The following LUZP2 variants were observed in gnomAD, a reference collection of about 807,000 sequenced individuals.
LUZP2 encodes the protein leucine zipper protein 2.
LUZP2 carries 52 observed loss-of-function variants against 51.6 expected under a neutral mutation model. The ratio of observed to expected loss-of-function variants is 1.01; its 90% CI spans 0.81 to 1.27. LUZP2 has a LOEUF of 1.27. LUZP2 is among the 50% of genes most tolerant of loss of function. LUZP2 has a pLI of 0.00. For missense variants in LUZP2, 436 were observed against 395.4 expected (o/e 1.10, Z -0.87); for synonymous variants, 154 against 137.3 (o/e 1.12, Z -0.85).
At chr11:24,949,844 G>A (rs759923077) in intron 7 of LUZP2, among the ~76,000 whole-genome samples, 5 of 151,494 alleles carry the variant, frequency 3.3e-5, no homozygotes, top group East Asian at 1.9e-4. Context: ...ATTAGTTTGC[G>A]AACTTTTCTG....
intron 9 of LUZP2, among the ~76,000 whole-genome samples, chr11:24,987,306 TA>T (rs1340397675): frequency 2.0e-5 from 3 of 151,952 alleles, no homozygotes; most frequent in Non-Finnish European, 4.4e-5. Flanking sequence ...TTAATTCAAA[TA>T]AGTGTAACTT....
chr11:25,001,279 C>T (rs1349389101), intron 9 of LUZP2, among the ~76,000 whole-genome samples: 3 of 152,188 alleles, frequency 2.0e-5, no homozygotes, highest in Admixed American at 2.0e-4. Flanking sequence ...ACAGCTCACA[C>T]ATTTGAGCAG....
chr11:24,940,162 C>T (rs1162912660), intron 7 of LUZP2, among the ~76,000 whole-genome samples: 1 of 152,130 alleles, frequency 6.6e-6, no homozygotes, highest in African/African-American at 2.4e-5. Context: ...AAAACACACA[C>T]ATTGAAATCT....
intron 1 of LUZP2, among the ~76,000 whole-genome samples, chr11:24,697,402 A>G (rs895467622): frequency 5.9e-5 from 9 of 152,200 alleles, no homozygotes; most frequent in African/African-American, 2.2e-4. Flanking sequence ...TTTTTAACAT[A>G]TGCTCCAAGA....
intron 1 of LUZP2, among the ~76,000 whole-genome samples, chr11:24,589,831 C>G (rs1199061202): frequency 6.6e-6 from 1 of 152,074 alleles, no homozygotes; most frequent in Non-Finnish European, 1.5e-5. Flanking sequence ...TGAACAAGGA[C>G]CTTTTCAGCT....
At chr11:25,078,166 T>A (rs1176582507) in intron 11 of LUZP2, among the ~76,000 whole-genome samples, 2 of 152,192 alleles carry the variant, frequency 1.3e-5, no homozygotes, top group Non-Finnish European at 2.9e-5. Context: ...TAATTCTGAA[T>A]TTTTATTTGT....
chr11:25,049,968 C>T lies in LUZP2; in HGVS notation c.766-70C>T, dbSNP rs77643606. 6,637 of 781,936 alleles carry T rather than the reference C, an allele frequency of 8.5e-3. 184 individuals are homozygous for T. The East Asian group carries it at 0.087, about 10-fold the overall frequency. 48.4% of individuals were successfully genotyped at this position (781,936 alleles called of 1,614,324 possible). ...TGTGTTACAATAAAACGATTTGGAT[C>T]TATTTGTTCAAACTATTTCTCTTGT... On this transcript the variant is annotated intron_variant, in intron 9 of 11. Transcript: ENST00000336930.
At chr11:25,074,984 A>G (rs1859259217) in intron 10 of LUZP2, among the ~76,000 whole-genome samples, 2 of 152,220 alleles carry the variant, frequency 1.3e-5, no homozygotes, top group Non-Finnish European at 2.9e-5. Context: ...ATCCTACACT[A>G]TGCAAATTAC....
chr11:24,744,723 C>T (rs1859313591), intron 4 of LUZP2, among the ~76,000 whole-genome samples: 1 of 151,978 alleles, frequency 6.6e-6, no homozygotes, highest in African/African-American at 2.4e-5. Context: ...CTGCTCTGAT[C>T]TTGGTTATTT....
intron 5 of LUZP2, among the ~76,000 whole-genome samples, chr11:24,806,321 A>G (rs1384317136): frequency 6.6e-6 from 1 of 152,168 alleles, no homozygotes; most frequent in Non-Finnish European, 1.5e-5. Context: ...GAAATTGGGC[A>G]TTGTAGTAAT....
At chr11:24,692,995 C>A (rs1487476715) in intron 1 of LUZP2, among the ~76,000 whole-genome samples, 1 of 151,544 alleles carries the variant, frequency 6.6e-6, no homozygotes, top group Non-Finnish European at 1.5e-5. Flanking sequence ...CTAGATTTTA[C>A]AAAATGAGCC....
intron 8 of LUZP2, among the ~76,000 whole-genome samples, chr11:24,978,188 C>T (rs931900387): frequency 6.6e-6 from 1 of 151,334 alleles, no homozygotes; most frequent in East Asian, 1.9e-4. Context: ...TATTAAGATC[C>T]CAGCATTATA....
intron 9 of LUZP2, among the ~76,000 whole-genome samples, chr11:25,026,622 AC>A (rs1448011323): frequency 6.6e-6 from 1 of 151,976 alleles, no homozygotes; most frequent in African/African-American, 2.4e-5. Context: ...TCTATTATTT[AC>A]TTGCTTTGTT....
At chr11:24,814,991 CAAAAA>C (rs61229028) in intron 5 of LUZP2, among the ~76,000 whole-genome samples, 1 of 80,102 alleles carries the variant, frequency 1.2e-5, no homozygotes. Flanking sequence ...GACTCCGTCT[CAAAAA>C]AAAAAAAAAA....
intron 1 of LUZP2, among the ~76,000 whole-genome samples, chr11:24,545,693 A>G (rs1212277579): frequency 6.6e-6 from 1 of 151,418 alleles, no homozygotes; most frequent in Admixed American, 6.6e-5. Flanking sequence ...CTGTAGCACC[A>G]TAGTATAGTT....
chr11:24,649,199 A>C (rs1855550988), intron 1 of LUZP2, among the ~76,000 whole-genome samples: 1 of 151,996 alleles, frequency 6.6e-6, no homozygotes, highest in Non-Finnish European at 1.5e-5. Flanking sequence ...GTGTTGGTGG[A>C]TGGCCAGAGG....
intron 9 of LUZP2, among the ~76,000 whole-genome samples, chr11:25,046,462 C>G (rs1425675914): frequency 1.3e-5 from 2 of 151,968 alleles, no homozygotes; most frequent in African/African-American, 2.4e-5. Flanking sequence ...TGTCCACTAC[C>G]CTTGCTTCAG....
intron 2 of LUZP2, among the ~76,000 whole-genome samples, chr11:24,731,145 G>A (rs1858698456): frequency 6.6e-6 from 1 of 151,622 alleles, no homozygotes; most frequent in Non-Finnish European, 1.5e-5. Flanking sequence ...CTTCATTCCT[G>A]TTATAATACT....
chr11:24,698,646 T>G lies in LUZP2; in HGVS notation c.63-30523T>G, dbSNP rs533997019. Among the ~76,000 whole-genome samples, 569 of 152,356 alleles carry G rather than the reference T, an allele frequency of 3.7e-3. 2 individuals carry two copies. The highest frequency in any genetic ancestry group is 0.013 in the African/African-American group (554 of 41,590). On this transcript the variant is annotated intron_variant, in intron 1 of 11. Coordinates refer to ENST00000336930, the MANE Select transcript of LUZP2 (RefSeq NM_001009909.4). ...GTAAGCTAGTGTTGGCTAGTGTTTC[T>G]GCTGTATAATTGTTGATTCTCTTCA...
Sources: allele counts gnomAD v4.1 joint callset (sites outside exome capture counted in the v4.1 genomes callset), GRCh38; gene constraint gnomAD v4.1.1; transcripts MANE v1.5; gene names NCBI Gene and HGNC (gene_info 2026-07-23, HGNC 2026-07-21).